Variants in TMEM165 observed in about 807,000 individuals in gnomAD.
TMEM165 encodes transmembrane protein 165, also known as putative divalent cation/proton antiporter TMEM165.
In TMEM165, 19 loss-of-function variants were observed where a neutral mutation model predicts 30.0. The ratio of observed to expected loss-of-function variants is 0.63; its 90% confidence interval spans 0.44 to 0.93. The LOEUF is 0.93. Among genes scored for constraint, TMEM165 ranks in the 40% least tolerant of loss-of-function variants. TMEM165 has a pLI of 0.00. For missense variants in TMEM165, 340 were observed against 417.0 expected, an observed-to-expected ratio of 0.82 and a Z score of 1.61; for synonymous variants, 168 against 162.9, an observed-to-expected ratio of 1.03 and a Z score of -0.24.
chr4:55,443,556 AATACT>A (rs2109691098), intron 3 of TMEM165: 1 of 744,928 alleles, frequency 1.3e-6, no homozygotes, highest in Non-Finnish European at 2.4e-6. Context: ...AATCACTCTC[AATACT>A]ATACTTTCTA....
chr4:55,435,045 T>C, intron 3 of TMEM165: 1 of 323,316 alleles, frequency 3.1e-6, no homozygotes, highest in Non-Finnish European at 6.1e-6. Flanking sequence ...TCTGTAACAC[T>C]TGATAAGAGG....
chr4:55,403,998 ATTAG>A (rs1317173229), intron 1 of TMEM165, among the ~76,000 whole-genome samples: 2 of 149,750 alleles, frequency 1.3e-5, no homozygotes, highest in African/African-American at 4.9e-5. Flanking sequence ...TAACTTGACT[ATTAG>A]TTTCGTTTTC....
intron 5 of TMEM165, 30 bp downstream of exon 5, chr4:55,424,673 C>T (rs1722120865): frequency 7.4e-7 from 1 of 1,359,670 alleles, no homozygotes; most frequent in Non-Finnish European, 1.1e-6. Flanking sequence ...AATCAGATAA[C>T]ATTTTAGAAT....
At chr4:55,409,224 A>G (rs1721388192) in intron 1 of TMEM165, among the ~76,000 whole-genome samples, 1 of 152,208 alleles carries the variant, frequency 6.6e-6, no homozygotes, top group African/African-American at 2.4e-5. Context: ...TCAGAGGTCT[A>G]GTCTTAATGG....
intron 4 of TMEM165, chr4:55,423,885 CTGGT>C (rs140781256): frequency 0.012 from 1,855 of 152,676 alleles, 74 homozygotes; most frequent in East Asian, 0.08. Context: ...GGCTCTGCAG[CTGGT>C]TGTCTGGTAC....
chr4:55,427,694 G>C (rs1285446099), downstream of TMEM165, among the ~76,000 whole-genome samples: 1 of 152,152 alleles, frequency 6.6e-6, no homozygotes, highest in Non-Finnish European at 1.5e-5. Flanking sequence ...GGAGTAGCTG[G>C]CACCATCATC....
rs182432312 is a variant in TMEM165 at position 55,401,109 on chromosome 4, T to C, written c.207+4713T>C. ...TTAGTAGGCATTCAAGTGGAAGATA[T>C]GTTATAAAAACCTAGTTGTATCTTA... On this transcript the variant is annotated intron_variant, in intron 1 of 5. Coordinates refer to ENST00000381334, the MANE Select transcript of TMEM165 (RefSeq NM_018475.5). 3.4e-5 allele frequency among the ~76,000 whole-genome samples: 5 copies of C among 148,764 alleles called. 1 individual carries two copies. The highest frequency in any genetic ancestry group is 1.0e-4 in the African/African-American group (4 of 39,864).
At position 55,448,599 on chromosome 4, in the gene TMEM165, CGCGT is replaced by C. The variant is rs1171404441; in HGVS notation, c.409-3638_409-3635del. 4.6e-3 allele frequency among the ~76,000 whole-genome samples: 485 copies of C among 105,646 alleles called. 2 individuals are homozygous for C. The highest frequency in any genetic ancestry group is 0.013 in the African/African-American group (378 of 29,124). 69.3% of individuals were successfully genotyped at this position (105,646 alleles called of 152,430 possible). On this transcript the variant is annotated intron_variant, in intron 3 of 3. Coordinates refer to the TMEM165 transcript ENST00000608091. ...TTATATATGTGCGCGCGCGCACGCG[CGCGT>C]GTGTGTGTGTGTGTGTGTGTGTGTG...
intron 1 of TMEM165, among the ~76,000 whole-genome samples, chr4:55,408,264 G>C (rs2109536588): frequency 6.6e-6 from 1 of 152,264 alleles, no homozygotes; most frequent in Non-Finnish European, 1.5e-5. Flanking sequence ...TATTTTTCTT[G>C]TGTTTTGTGT....
At chr4:55,403,983 A>T (rs940928796) in intron 1 of TMEM165, among the ~76,000 whole-genome samples, 1 of 118,564 alleles carries the variant, frequency 8.4e-6, no homozygotes, top group Non-Finnish European at 1.9e-5. Flanking sequence ...TCATTCATTT[A>T]ATCTTAACTT....
At chr4:55,418,958 T>C (rs943529272) in intron 4 of TMEM165, among the ~76,000 whole-genome samples, 1 of 151,916 alleles carries the variant, frequency 6.6e-6, no homozygotes, top group Non-Finnish European at 1.5e-5. Flanking sequence ...GGCAGGAGAA[T>C]TGATTGAACC....
chr4:55,402,983 G>T (rs1721094981), intron 1 of TMEM165, among the ~76,000 whole-genome samples: 1 of 151,194 alleles, frequency 6.6e-6, no homozygotes, highest in African/African-American at 2.4e-5. Flanking sequence ...GTAGAGATGG[G>T]GTTTCACCAT....
chr4:55,438,144 C>G, intron 3 of TMEM165: 4 of 1,167,486 alleles, frequency 3.4e-6, no homozygotes, highest in Non-Finnish European at 4.8e-6. Context: ...AACAAGCTTT[C>G]TATCTTTGTA....
Position 55,397,962 on chromosome 4 carries a change from C to G in TMEM165, c.207+1566C>G, listed in dbSNP as rs1454532957. Among the ~76,000 whole-genome samples the G allele has an allele frequency of 2.6e-5, 4 of 151,826 alleles. No homozygotes were observed. The East Asian group carries it at 7.7e-4, about 29-fold the overall frequency. On this transcript the variant is annotated intron_variant, in intron 1 of 5. Transcript: ENST00000381334. ...CTCACTATGTTGCCGAGTCTAGTCTCAAACTCCTGGGCTCAAGCGCTTCTC... is the reference window on the plus strand; with the variant it reads ...CTCACTATGTTGCCGAGTCTAGTCTGAAACTCCTGGGCTCAAGCGCTTCTC...
At chr4:55,444,526 G>A (rs1057031679) in intron 3 of TMEM165, 105 of 1,321,766 alleles carry the variant, frequency 7.9e-5, no homozygotes, top group Non-Finnish European at 1.1e-4. Flanking sequence ...GAACTGAATT[G>A]ATAAAACGTA....
chr4:55,431,412 A>G (rs752312373), intron 3 of TMEM165: 28 of 152,214 alleles, frequency 1.8e-4, no homozygotes, highest in Non-Finnish European at 3.2e-4. Context: ...TTCCTTTGCA[A>G]TTACTTCAGA....
At chr4:55,445,735 C>A (rs1723791326) in intron 3 of TMEM165, among the ~76,000 whole-genome samples, 1 of 151,472 alleles carries the variant, frequency 6.6e-6, no homozygotes, top group South Asian at 2.1e-4. Flanking sequence ...GGACTACAGG[C>A]ATGCACCACC....
chr4:55,419,950 G>C (rs989394788), intron 4 of TMEM165, among the ~76,000 whole-genome samples: 1 of 150,756 alleles, frequency 6.6e-6, no homozygotes, highest in Non-Finnish European at 1.5e-5. Flanking sequence ...ACTTTAATTA[G>C]CTGGGCGTGG....
intron 3 of TMEM165, among the ~76,000 whole-genome samples, chr4:55,443,320 T>C (rs1311020072): frequency 6.6e-6 from 1 of 151,636 alleles, no homozygotes; most frequent in African/African-American, 2.4e-5. Flanking sequence ...ACTAAAAATA[T>C]GAAAATCAGC....
Sources: gnomAD v4.1 joint callset for allele counts (sites outside exome capture counted in the v4.1 genomes callset) on GRCh38, gnomAD v4.1.1 for gene constraint, MANE v1.5 for transcripts, NCBI Gene and HGNC (gene_info 2026-07-23, HGNC 2026-07-21) for gene names.